The following SULT1A1 variants were observed in gnomAD, a reference collection of about 807,000 sequenced individuals.
SULT1A1 encodes the protein sulfotransferase 1A1.
Under a neutral mutation model 36.8 loss-of-function variants are expected in SULT1A1, and 35 were observed. That is an observed-to-expected ratio of 0.95 (90% confidence interval 0.73 to 1.26). The LOEUF (loss-of-function observed/expected upper bound fraction) is 1.26, where lower values mean the gene tolerates loss of function less well. SULT1A1 is among the 50% of genes most tolerant of loss of function. The pLI, the probability that SULT1A1 is intolerant of heterozygous loss-of-function variation, is 0.00. For missense variants in SULT1A1, 309 were observed against 383.0 expected, an observed-to-expected ratio of 0.81 and a Z score of 1.61; for synonymous variants, 119 against 146.0, an observed-to-expected ratio of 0.82 and a Z score of 1.33.
intron 2 of SULT1A1, among the ~76,000 whole-genome samples, chr16:28,615,376 G>T (rs1364055172): frequency 7.4e-6 from 1 of 134,300 alleles, no homozygotes; most frequent in African/African-American, 2.7e-5. Context: ...GGCAAAGCGT[G>T]AGTGTCCAGG....
chr16:28,623,010 G>A (rs1181855400), intron 1 of SULT1A1: 5 of 1,331,294 alleles, frequency 3.8e-6, no homozygotes, highest in Non-Finnish European at 5.1e-6. Flanking sequence ...CAGAGCCCCG[G>A]CTCCTGCCCG....
At chr16:28,610,278 T>TG (rs2047401778), upstream of SULT1A1, 4 of 1,131,162 alleles carry the variant, frequency 3.5e-6, 1 homozygote, top group Non-Finnish European at 2.3e-6. Context: ...TTTTTTTTTT[T>TG]TTTTTTTTTT....
intron 2 of SULT1A1, among the ~76,000 whole-genome samples, chr16:28,616,075 C>T (rs1003892577): frequency 6.6e-6 from 1 of 152,148 alleles, no homozygotes; most frequent in Non-Finnish European, 1.5e-5. Flanking sequence ...CACCGCTAGA[C>T]CAAGGAGCCC....
rs2047548532 is a variant in SULT1A1, at chr16:28,616,443, T to G, written c.138+3620A>C. Among the ~76,000 whole-genome samples the G allele has an allele frequency of 2.0e-5, 3 of 152,052 alleles. No homozygotes were observed. In the South Asian group the frequency reaches 6.2e-4, roughly 32 times the overall value. Reference sequence around the variant, plus strand: ...CTGGGATTACAGGCGTGCGCCACCATGCCTGGCTAATTTTTTGTATTTTTA... The same window carrying G: ...CTGGGATTACAGGCGTGCGCCACCAGGCCTGGCTAATTTTTTGTATTTTTA... On this transcript the variant is annotated intron_variant, in intron 2 of 5. Coordinates refer to the SULT1A1 transcript ENST00000350842.
At chr16:28,621,285 G>A (rs952441264) in intron 1 of SULT1A1, among the ~76,000 whole-genome samples, 42 of 151,416 alleles carry the variant, frequency 2.8e-4, no homozygotes, top group African/African-American at 9.5e-4. Context: ...AGTTCGAGAC[G>A]ACCCTGGCAA....
chr16:28,623,186 C>A, exon 1 of SULT1A1: 1 of 1,550,540 alleles, frequency 6.4e-7, no homozygotes, highest in Non-Finnish European at 8.7e-7. Flanking sequence ...CGCACAGCAA[C>A]TTGGCCAGCA....
Position 28,605,457 on chromosome 16 carries a change from GGAT to G in SULT1A1, c.*361_*363del, listed in dbSNP as rs2151674480. 1 of 362,804 alleles carries G rather than the reference GGAT, an allele frequency of 2.8e-6. No individual in the cohort carries two copies. The highest frequency in any genetic ancestry group is 2.5e-5 in the South Asian group (1 of 40,060). The allele number at this position is 362,804 out of a possible 1,614,324, so 22.5% of individuals were successfully genotyped here. A position where few individuals can be genotyped will look rare whatever the true frequency, so the allele number is the denominator to read the frequency against. Reference sequence around the variant, plus strand: ...AGATAATTTTCTCAAATTTTTGTAGGGATGATGTCTTGTAATGTTGAACAGGCT... The same window carrying G: ...AGATAATTTTCTCAAATTTTTGTAGGGATGTCTTGTAATGTTGAACAGGCT... On this transcript the variant is annotated 3_prime_UTR_variant, in exon 8 of 8. Coordinates refer to ENST00000314752, the MANE Select transcript of SULT1A1 (RefSeq NM_001055.4).
intron 1 of SULT1A1, among the ~76,000 whole-genome samples, chr16:28,621,229 C>T (rs2047647416): frequency 6.6e-6 from 1 of 151,544 alleles, no homozygotes; most frequent in African/African-American, 2.4e-5. Context: ...CGTCTGTGAT[C>T]CCAGCACTTT....
At chr16:28,614,921 T>TC (rs1289695815), upstream of SULT1A1, 3 of 113,980 alleles carry the variant, frequency 2.6e-5, no homozygotes, top group African/African-American at 8.7e-5. Flanking sequence ...ACACTTCTGG[T>TC]TCAGCACCGA....
chr16:28,606,132 C>G lies in SULT1A1; in HGVS notation c.699G>C (p.Lys233Asn). 4 of 1,610,952 alleles carry G rather than the reference C, an allele frequency of 2.5e-6. No homozygotes were observed. Among genetic ancestry groups the G allele is most frequent in the Non-Finnish European group, 2.5e-6 (3 of 1,178,024 alleles). The change falls in exon 7 of 8, where the codon AAG (lysine) becomes AAC (asparagine). Residue 233 changes from lysine (K) to asparagine (N), a missense_variant. Physicochemically the swap from Lys to Asn is moderately conservative, Grantham distance 94 (BLOSUM62 0). This residue lies in a region of SULT1A1 where 67 missense variants were observed against 122.0 expected (regional missense o/e 0.55). Coordinates refer to ENST00000314752, the MANE Select transcript of SULT1A1 (RefSeq NM_001055.4). Reference protein sequence around the residue: ...VVQHTSFKEMKKNPMTNYTTV... With the variant: ...VVQHTSFKEMNKNPMTNYTTV... The stretch of plus-strand genomic sequence containing the variant: ...TGGTGTAGTTGGTCATAGGGTTCTT[C>G]TTCATCTCCTTGAACGACGTGTGCT...
chr16:28,623,110 G>GT lies in SULT1A1; in HGVS notation c.67+20dup, dbSNP rs755852252. 9 of 1,511,832 alleles carry GT rather than the reference G, an allele frequency of 6.0e-6. No individual in the cohort carries two copies. In the African/African-American group the frequency reaches 7.4e-5, roughly 12 times the overall value. The allele number at this position is 1,511,832 out of a possible 1,614,324, so 93.7% of individuals were successfully genotyped here. A position where few individuals can be genotyped will look rare whatever the true frequency, so the allele number is the denominator to read the frequency against. ...CCCCAATACTGGTCCCACCCCCCAG[G>GT]TTCCCCCCCCGGCCCCTCACCGGCG... On this transcript the variant is annotated intron_variant, in intron 1 of 5. Coordinates refer to the SULT1A1 transcript ENST00000350842.
exon 2 of SULT1A1, chr16:28,620,097 A>C (rs1326543375): frequency 6.2e-7 from 1 of 1,613,130 alleles, no homozygotes; most frequent in Admixed American, 1.7e-5. Flanking sequence ...TTTCAGGTCC[A>C]AAAATATGTC....
In SULT1A1 at chr16:28,609,997, G is replaced by C. The variant is rs35480621; in HGVS notation, c.-71C>G. On this transcript the variant is annotated 5_prime_UTR_variant, in exon 1 of 8. Transcript: ENST00000314752. Reference sequence around the variant, plus strand: ...AGTGGCTGATTGTGGGTGTTGTGTGGGGAATGCAGGGTTGTTCTCTGAGCT... The same window carrying C: ...AGTGGCTGATTGTGGGTGTTGTGTGCGGAATGCAGGGTTGTTCTCTGAGCT... 7.8e-7 allele frequency: 1 copy of C among 1,287,292 alleles called. No homozygotes were observed. The highest frequency in any genetic ancestry group is 1.0e-6 in the Non-Finnish European group (1 of 987,370). 79.7% of individuals were successfully genotyped at this position (1,287,292 alleles called of 1,614,324 possible).
In SULT1A1 at chr16:28,616,278, TC is replaced by T. The variant is rs200809283; in HGVS notation, c.138+3784del. 3.9e-5 allele frequency among the ~76,000 whole-genome samples: 6 copies of T among 152,356 alleles called. No homozygotes were observed. The East Asian group carries it at 1.2e-3, about 29-fold the overall frequency. On this transcript the variant is annotated intron_variant, in intron 2 of 5. Transcript: ENST00000350842. ...AATGATTAATGATATTCATATATAATCATATCTAAGATCTATATCTGGTATA... is the reference window on the plus strand; with the variant it reads ...AATGATTAATGATATTCATATATAATATATCTAAGATCTATATCTGGTATA...
intron 2 of SULT1A1, among the ~76,000 whole-genome samples, chr16:28,615,595 G>C (rs2047522758): frequency 1.3e-5 from 2 of 151,914 alleles, no homozygotes; most frequent in South Asian, 4.2e-4. Context: ...AGGATGCTGT[G>C]ACCTTGGTGA....
intron 4 of SULT1A1, 102 bp from the exon 5 acceptor site, chr16:28,607,179 C>A (rs1374944884): frequency 9.0e-6 from 14 of 1,561,908 alleles, no homozygotes; most frequent in African/African-American, 1.4e-5. Context: ...GGCTTAGAGG[C>A]TGACTTGTTT....
Position 28,606,231 on chromosome 16 carries a change from C to A in SULT1A1, c.600G>T (p.Pro200=). 6.3e-7 allele frequency: 1 copy of A among 1,587,436 alleles called. No individual in the cohort carries two copies. Among genetic ancestry groups the A allele is most frequent in the South Asian group, 1.1e-5 (1 of 90,110 alleles). Residue 200 remains proline, a synonymous_variant, in exon 7 of 8, where the codon CCG becomes CCT. Coordinates refer to ENST00000314752, the MANE Select transcript of SULT1A1 (RefSeq NM_001055.4). ...CCAGGATCTTTTGAATCTCCCTTTTCGGGTTCTGAGCAGCAGAGGGCCCCT... is the reference window on the plus strand; with the variant it reads ...CCAGGATCTTTTGAATCTCCCTTTTAGGGTTCTGAGCAGCAGAGGGCCCCT... The part of the protein sequence containing the change: ...YLFYEDMKEN[P]KREIQKILEF...
rs546886137 is a variant in SULT1A1, at chr16:28,617,494, C to G, written c.138+2569G>C. Among the ~76,000 whole-genome samples the G allele has an allele frequency of 2.3e-3, 347 of 152,106 alleles. 1 individual carries two copies. Among genetic ancestry groups the G allele is most frequent in the Non-Finnish European group, 2.6e-3 (180 of 67,994 alleles). On this transcript the variant is annotated intron_variant, in intron 2 of 5. Transcript: ENST00000350842. ...CTGTTTTATATGGTTTTTTGGGTAT[C>G]TTCCACTAACACCTAGGACAGCACC...
intron 1 of SULT1A1, among the ~76,000 whole-genome samples, chr16:28,622,213 T>C (rs775793572): frequency 6.7e-6 from 1 of 148,612 alleles, no homozygotes. Flanking sequence ...ACACACTACT[T>C]GGGAGAATAT....
Sources: gnomAD v4.1 joint callset for allele counts (sites outside exome capture counted in the v4.1 genomes callset) on GRCh38, gnomAD v4.1.1 for gene constraint, gnomAD v4.1.1 regional missense constraint, MANE v1.5 for transcripts, NCBI Gene and HGNC (gene_info 2026-07-23, HGNC 2026-07-21) for gene names.